The following SEMA6D variants were observed in gnomAD, a reference collection of about 807,000 sequenced individuals.
The protein encoded by SEMA6D is semaphorin 6D.
SEMA6D carries 35 observed loss-of-function variants against 106.6 expected under a neutral mutation model. The observed-to-expected ratio is 0.33, with a 90% CI of 0.25 to 0.44. The LOEUF (loss-of-function observed/expected upper bound fraction) is 0.44, where lower values mean the gene tolerates loss of function less well. Ranked by LOEUF, SEMA6D falls within the 20% of genes least tolerant of loss-of-function variation. The pLI is 1.00. For missense variants in SEMA6D, 1,185 were observed against 1,345.9 expected, an observed-to-expected ratio of 0.88 and a Z score of 1.87; for synonymous variants, 499 against 487.7, an observed-to-expected ratio of 1.02 and a Z score of -0.31.
At chr15:47,556,809 G>A (rs565561852) in intron 3 of SEMA6D, among the ~76,000 whole-genome samples, 37 of 152,220 alleles carry the variant, frequency 2.4e-4, no homozygotes, top group Non-Finnish European at 1.0e-4. Flanking sequence ...AGATGATGGA[G>A]AACAGTAACT....
chr15:47,593,162 TG>T (rs1566917783), intron 3 of SEMA6D, among the ~76,000 whole-genome samples: 1 of 152,090 alleles, frequency 6.6e-6, no homozygotes, highest in Non-Finnish European at 1.5e-5. Flanking sequence ...CCCAGCACTT[TG>T]GGAAGCCGAG....
At chr15:47,373,834 C>T (rs555981781) in intron 1 of SEMA6D, among the ~76,000 whole-genome samples, 1 of 152,250 alleles carries the variant, frequency 6.6e-6, no homozygotes, top group South Asian at 2.1e-4. Context: ...GTTTCCCTAG[C>T]TTTTGAACAA....
At chr15:47,287,559 A>G (rs907293913) in intron 1 of SEMA6D, among the ~76,000 whole-genome samples, 1 of 152,094 alleles carries the variant, frequency 6.6e-6, no homozygotes, top group African/African-American at 2.4e-5. Flanking sequence ...AATGGAAGTC[A>G]AAGTGATGGT....
At chr15:47,650,062 C>T (rs1049985830) in intron 4 of SEMA6D, among the ~76,000 whole-genome samples, 2 of 152,182 alleles carry the variant, frequency 1.3e-5, no homozygotes, top group African/African-American at 2.4e-5. Context: ...ATATACTGAG[C>T]GCCTGGATGT....
chr15:47,571,198 G>A (rs2046372264), intron 3 of SEMA6D, among the ~76,000 whole-genome samples: 1 of 151,536 alleles, frequency 6.6e-6, no homozygotes, highest in Non-Finnish European at 1.5e-5. Context: ...TTACTCTTCG[G>A]CCCACTTGCT....
At chr15:47,707,816 GCCAA>G (rs1162019859) in intron 4 of SEMA6D, among the ~76,000 whole-genome samples, 2 of 152,128 alleles carry the variant, frequency 1.3e-5, no homozygotes, top group African/African-American at 4.8e-5. Context: ...TGGACACCAT[GCCAA>G]CCCTTTAAAC....
intron 13 of SEMA6D, chr15:47,765,353 A>G (rs1453943954): frequency 8.6e-7 from 1 of 1,168,984 alleles, no homozygotes; most frequent in African/African-American, 1.6e-5. Context: ...AAGATGCTAC[A>G]TGCAGCAGAC....
intron 1 of SEMA6D, among the ~76,000 whole-genome samples, chr15:47,336,339 C>T (rs891469752): frequency 1.3e-5 from 2 of 152,052 alleles, no homozygotes; most frequent in African/African-American, 2.4e-5. Context: ...CTGGGAATCT[C>T]GGGAAGATTG....
At chr15:47,766,508 T>A in intron 15 of SEMA6D, 108 bp from the exon 16 acceptor site, 1 of 906,160 alleles carries the variant, frequency 1.1e-6, no homozygotes, top group Non-Finnish European at 1.7e-6. Context: ...TTTTTCTCTC[T>A]CTGCCCATTC....
chr15:47,459,669 A>G (rs972592059), intron 2 of SEMA6D, among the ~76,000 whole-genome samples: 1 of 152,184 alleles, frequency 6.6e-6, no homozygotes, highest in African/African-American at 2.4e-5. Flanking sequence ...TAAAATTAAA[A>G]ACTTTTATAA....
intron 1 of SEMA6D, among the ~76,000 whole-genome samples, chr15:47,339,701 A>G (rs771175984): frequency 3.9e-5 from 6 of 152,154 alleles, no homozygotes; most frequent in Non-Finnish European, 7.4e-5. Context: ...TTCATTAAAA[A>G]TACAAAAATT....
At chr15:47,383,405 C>A (rs281265) in intron 1 of SEMA6D, among the ~76,000 whole-genome samples, 75,506 of 152,078 alleles carry the variant, frequency 0.5, 22,410 homozygotes, top group Non-Finnish European at 0.65. Context: ...TGGGCACAAG[C>A]ACTATGATTG....
intron 2 of SEMA6D, among the ~76,000 whole-genome samples, chr15:47,425,584 A>G (rs1014939429): frequency 4.0e-5 from 6 of 151,872 alleles, no homozygotes; most frequent in Non-Finnish European, 7.4e-5. Flanking sequence ...CCTTGGAATA[A>G]TACTGCTGTG....
chr15:47,472,739 A>G (rs907676955), intron 3 of SEMA6D, among the ~76,000 whole-genome samples: 5 of 152,238 alleles, frequency 3.3e-5, no homozygotes, highest in African/African-American at 9.6e-5. Flanking sequence ...ATACACATAT[A>G]TAAAGGAGAG....
chr15:47,225,270 C>T (rs534777668), intron 1 of SEMA6D, among the ~76,000 whole-genome samples: 1 of 152,146 alleles, frequency 6.6e-6, no homozygotes, highest in East Asian at 1.9e-4. Flanking sequence ...TTTGTGTTTG[C>T]ACCAATGAAT....
intron 1 of SEMA6D, among the ~76,000 whole-genome samples, chr15:47,242,535 A>G (rs1364643494): frequency 6.6e-6 from 1 of 152,160 alleles, no homozygotes; most frequent in Non-Finnish European, 1.5e-5. Context: ...GTGATGAAGA[A>G]GGAGCCATAG....
intron 4 of SEMA6D, among the ~76,000 whole-genome samples, chr15:47,690,749 GT>G (rs1030708629): frequency 6.6e-5 from 10 of 152,014 alleles, no homozygotes; most frequent in African/African-American, 2.2e-4. Context: ...TTAGTTTTTA[GT>G]TTTTAGAAAT....
intron 3 of SEMA6D, among the ~76,000 whole-genome samples, chr15:47,543,376 A>C (rs1596283784): frequency 6.6e-6 from 1 of 152,122 alleles, no homozygotes; most frequent in East Asian, 1.9e-4. Context: ...AATAAGTATC[A>C]AAAGATCTGA....
chr15:47,551,635 C>G (rs1305233028), intron 3 of SEMA6D, among the ~76,000 whole-genome samples: 8 of 139,730 alleles, frequency 5.7e-5, no homozygotes, highest in Non-Finnish European at 9.4e-5. Context: ...ACTGATATGC[C>G]TAGCCCTCAC....
Sources: gnomAD v4.1 joint callset for allele counts (sites outside exome capture counted in the v4.1 genomes callset) on GRCh38, gnomAD v4.1.1 for gene constraint, MANE v1.5 for transcripts, NCBI Gene and HGNC (gene_info 2026-07-23, HGNC 2026-07-21) for gene names.